ESR2: variants seen among roughly 807,000 people sequenced by gnomAD.
The protein encoded by ESR2 is estrogen receptor beta.
In ESR2, 36 loss-of-function variants were observed where a neutral mutation model predicts 49.6. The observed-to-expected ratio is 0.73, with a 90% CI of 0.56 to 0.96. The LOEUF (loss-of-function observed/expected upper bound fraction) is 0.96. Ranked by LOEUF, ESR2 falls within the 40% of genes least tolerant of loss-of-function variation. ESR2 has a pLI of 0.00. For synonymous variants in ESR2, 320 were observed against 266.1 expected (o/e 1.20, Z -1.97); for missense variants, 714 against 693.0 (o/e 1.03, Z -0.34).
chr14:64,288,334 C>A (rs958569250), intron 1 of ESR2, among the ~76,000 whole-genome samples: 2 of 145,746 alleles, frequency 1.4e-5, no homozygotes, highest in African/African-American at 5.2e-5. Flanking sequence ...GAAAAACACT[C>A]CAAAAAGACT....
intron 2 of ESR2, among the ~76,000 whole-genome samples, chr14:64,282,344 CAAA>C (rs1303560622): frequency 6.6e-6 from 1 of 151,374 alleles, no homozygotes; most frequent in African/African-American, 2.4e-5. Flanking sequence ...GACCCTGTCT[CAAA>C]AAAAGAAAAG....
intron 1 of ESR2, among the ~76,000 whole-genome samples, chr14:64,315,617 G>C (rs1475465090): frequency 6.6e-6 from 1 of 151,026 alleles, no homozygotes; most frequent in Non-Finnish European, 1.5e-5. Context: ...TGGGACTACA[G>C]GCACGCACCA....
At chr14:64,331,884 C>T (rs538554776) in intron 1 of ESR2, among the ~76,000 whole-genome samples, 1 of 151,470 alleles carries the variant, frequency 6.6e-6, no homozygotes, top group South Asian at 2.1e-4. Flanking sequence ...TCCTTCTCTC[C>T]CTTTTCCAAC....
intron 1 of ESR2, among the ~76,000 whole-genome samples, chr14:64,289,804 G>C (rs1596463901): frequency 6.6e-6 from 1 of 152,278 alleles, no homozygotes; most frequent in African/African-American, 2.4e-5. Flanking sequence ...ACATATTCCT[G>C]ATGCCATATT....
rs1428446141 is a variant in ESR2 at position 64,273,602 on chromosome 14, A to T, written c.536-4691T>A. Among the ~76,000 whole-genome samples the T allele has an allele frequency of 2.0e-5, 3 of 152,044 alleles. No homozygotes were observed. The East Asian group carries it at 5.8e-4, about 29-fold the overall frequency. ...TTCATTCTGTCGATATGGTGCATCA[A>T]ATTAATTTGCATATGTTGAACCATC... On this transcript the variant is annotated intron_variant, in intron 3 of 8. Transcript: ENST00000341099.
At chr14:64,296,696 G>C (rs911358415), upstream of ESR2, among the ~76,000 whole-genome samples, 2 of 152,206 alleles carry the variant, frequency 1.3e-5, no homozygotes, top group African/African-American at 4.8e-5. Context: ...TCTGCTCTGT[G>C]TTCACTGTGA....
upstream of ESR2, among the ~76,000 whole-genome samples, chr14:64,295,937 A>C (rs1007346169): frequency 2.7e-5 from 4 of 150,644 alleles, no homozygotes; most frequent in African/African-American, 9.8e-5. Flanking sequence ...CCAGCTACTC[A>C]GGAGGCTGAG....
In ESR2 at chr14:64,282,755, A is replaced by T; in HGVS notation, c.231T>A (p.Asn77Lys). ...GGPGRQTTSP[N>K]VLWPTPGHLS... ...GGTGCCCAGGTGTTGGCCACAACACATTTGGGCTTGTGGTCTGCCGACCAG... is the reference window on the plus strand; with the variant it reads ...GGTGCCCAGGTGTTGGCCACAACACTTTTGGGCTTGTGGTCTGCCGACCAG... Residue 77 changes from asparagine (N) to lysine (K), a missense_variant, in exon 2 of 9, where the codon AAT (asparagine) becomes AAA (lysine). Asn to Lys is a moderately conservative substitution (Grantham distance 94). Transcript: ENST00000341099. The T allele has an allele frequency of 8.7e-6, 14 of 1,614,258 alleles. No homozygotes were observed. The highest frequency in any genetic ancestry group is 1.2e-5 in the Non-Finnish European group (14 of 1,180,046).
chr14:64,278,011 T>C (rs116866582), intron 3 of ESR2, among the ~76,000 whole-genome samples: 1,670 of 151,834 alleles, frequency 0.011, 37 homozygotes, highest in East Asian at 0.08. Context: ...TTAAAAGATA[T>C]GGTTAGTAGT....
At chr14:64,327,525 G>A (rs55951449) in intron 1 of ESR2, among the ~76,000 whole-genome samples, 2,521 of 95,918 alleles carry the variant, frequency 0.026, 4 homozygotes, top group Non-Finnish European at 0.031. Context: ...GTGAAACCCC[G>A]TCTCTACTAA....
At chr14:64,336,870 T>C (rs968826201) in intron 1 of ESR2, 54 of 152,360 alleles carry the variant, frequency 3.5e-4, no homozygotes, top group Non-Finnish European at 2.9e-5. Context: ...TTCTTTCTTA[T>C]ATCCTAACTT....
intron 7 of ESR2, among the ~76,000 whole-genome samples, chr14:64,239,112 G>C (rs1170758218): frequency 6.6e-6 from 1 of 152,200 alleles, no homozygotes; most frequent in Non-Finnish European, 1.5e-5. Context: ...TGTTTGCTTT[G>C]AGGAAAGGAA....
intron 1 of ESR2, among the ~76,000 whole-genome samples, chr14:64,307,466 G>A (rs1303282148): frequency 1.3e-5 from 2 of 152,074 alleles, no homozygotes; most frequent in East Asian, 3.9e-4. Context: ...GCCCACCTCA[G>A]CCTTCCAAAG....
In ESR2 at chr14:64,280,014, C is replaced by A; in HGVS notation, c.502G>T (p.Gly168Ter). The A allele has an allele frequency of 6.2e-7, 1 of 1,614,172 alleles. No homozygotes were observed. Among genetic ancestry groups the A allele is most frequent in the Admixed American group, 1.7e-5 (1 of 60,024 alleles). Residue 168 changes from glycine (G) to a stop codon, truncating the protein, a stop_gained, in exon 3 of 9, where the codon GGA becomes TGA. Transcript: ENST00000341099. LOFTEE classifies it high-confidence loss of function. ...GYHYGVWSCEGCKAFFKRSIQ... is the reference protein window; with the variant it reads ...GYHYGVWSCE The stretch of plus-strand genomic sequence containing the variant: ...CTTCTTTTAAAAAAGGCCTTACATC[C>A]TTCACACGACCAGACTCCATAGTGA...
chr14:64,267,839 G>C (rs2076362255), intron 4 of ESR2, among the ~76,000 whole-genome samples: 1 of 150,980 alleles, frequency 6.6e-6, no homozygotes, highest in African/African-American at 2.4e-5. Flanking sequence ...GGCTGAGAAT[G>C]GGCCACTGCA....
upstream of ESR2, among the ~76,000 whole-genome samples, chr14:64,294,649 G>A (rs2076929808): frequency 6.6e-6 from 1 of 152,178 alleles, no homozygotes; most frequent in Non-Finnish European, 1.5e-5. Flanking sequence ...GGGGGATGCC[G>A]ACACTGATAC....
At chr14:64,245,113 C>G (rs2075820438) in intron 7 of ESR2, among the ~76,000 whole-genome samples, 1 of 152,124 alleles carries the variant, frequency 6.6e-6, no homozygotes, top group African/African-American at 2.4e-5. Flanking sequence ...TCCTTAAAAC[C>G]TAGCATAGAA....
At position 64,229,995 on chromosome 14, in the gene ESR2, A is replaced by G. The variant is rs2098725711; in HGVS notation, c.*3142T>C. ...GGAGTTCAGGACCAGCCTGGGGAGCATAGTAAAACCCCATCTCTACAAATA... is the reference window on the plus strand; with the variant it reads ...GGAGTTCAGGACCAGCCTGGGGAGCGTAGTAAAACCCCATCTCTACAAATA... On this transcript the variant is annotated 3_prime_UTR_variant, in exon 9 of 9. Coordinates refer to ENST00000341099, the MANE Select transcript of ESR2 (RefSeq NM_001437.3). Among the ~76,000 whole-genome samples the G allele has an allele frequency of 6.6e-6, 1 of 151,962 alleles. No homozygotes were observed. Among genetic ancestry groups the G allele is most frequent in the African/African-American group, 2.4e-5 (1 of 41,364 alleles).
Position 64,303,092 on chromosome 14 carries a change from G to A in ESR2, c.-90-20017C>T, listed in dbSNP as rs558685915. ...TGGGATTACAGGCATGAGCCACCGC[G>A]CCCAGCCAAGAGAGCCTACTGTTAA... On this transcript the variant is annotated intron_variant, in intron 1 of 8. Transcript: ENST00000358599. 5.1e-4 allele frequency among the ~76,000 whole-genome samples: 77 copies of A among 152,254 alleles called. 1 individual carries two copies. The highest frequency in any genetic ancestry group is 1.2e-3 in the African/African-American group (51 of 41,546).
Sources: allele counts gnomAD v4.1 joint callset (sites outside exome capture counted in the v4.1 genomes callset), GRCh38; gene constraint gnomAD v4.1.1; transcripts MANE v1.5; gene names NCBI Gene and HGNC (gene_info 2026-07-23, HGNC 2026-07-21).